PRKCH: variants seen among roughly 807,000 people sequenced by gnomAD.
The protein encoded by PRKCH is protein kinase C eta type.
Under a neutral mutation model 82.5 loss-of-function variants are expected in PRKCH, and 28 were observed. The ratio of observed to expected loss-of-function variants is 0.34; its 90% CI spans 0.25 to 0.47. PRKCH has a LOEUF of 0.47. Among genes scored for constraint, PRKCH ranks in the 20% least tolerant of loss-of-function variants. PRKCH has a pLI of 1.00. For synonymous variants in PRKCH, 322 were observed against 327.4 expected, an observed-to-expected ratio of 0.98 and a Z score of 0.18; for missense variants, 705 against 881.8, an observed-to-expected ratio of 0.80 and a Z score of 2.54.
At chr14:61,200,805 G>A (rs34780649) in intron 1 of PRKCH, among the ~76,000 whole-genome samples, 36,909 of 151,848 alleles carry the variant, frequency 0.24, 4,963 homozygotes, top group Admixed American at 0.37. Flanking sequence ...ATCTCTTACT[G>A]TGACTAATTT....
intron 1 of PRKCH, among the ~76,000 whole-genome samples, chr14:61,372,742 C>T (rs186538906): frequency 6.6e-6 from 1 of 152,184 alleles, no homozygotes; most frequent in Admixed American, 6.5e-5. Flanking sequence ...ATTCTCATGT[C>T]ATAGTCTGCA....
In PRKCH at chr14:61,425,403, A is replaced by G. The variant is rs370682428; in HGVS notation, c.428-17708A>G. Among the ~76,000 whole-genome samples the G allele has an allele frequency of 2.2e-4, 34 of 152,334 alleles. No individual in the cohort carries two copies. In the South Asian group the frequency reaches 7.0e-3, roughly 32 times the overall value. ...TGTATCCACATGACCTAGATGTGAG[A>G]CATGGAGTCAAAGGAGATCATTTTG... On this transcript the variant is annotated intron_variant, in intron 2 of 13. Transcript: ENST00000332981.
At chr14:61,408,573 T>A (rs1015493686) in intron 2 of PRKCH, among the ~76,000 whole-genome samples, 2 of 152,126 alleles carry the variant, frequency 1.3e-5, no homozygotes, top group African/African-American at 4.8e-5. Context: ...ATGGTTGCCT[T>A]ATGTGTAAAA....
intron 3 of PRKCH, 26 bp downstream of exon 3, chr14:61,443,287 T>C (rs1253797085): frequency 6.3e-7 from 1 of 1,599,810 alleles, no homozygotes; most frequent in Non-Finnish European, 8.5e-7. Context: ...ACTTCTGTCC[T>C]CCTCAGAGCT....
At chr14:61,426,863 A>G (rs1883133899) in intron 2 of PRKCH, among the ~76,000 whole-genome samples, 2 of 152,246 alleles carry the variant, frequency 1.3e-5, no homozygotes, top group Admixed American at 6.5e-5. Flanking sequence ...TGCTTCAGGA[A>G]TGCAATTTAC....
At chr14:61,232,032 C>A (rs952075913) in intron 1 of PRKCH, among the ~76,000 whole-genome samples, 6 of 152,186 alleles carry the variant, frequency 3.9e-5, no homozygotes, top group African/African-American at 7.2e-5. Context: ...AGGGTTCAGT[C>A]CTCAAGACAG....
intron 2 of PRKCH, among the ~76,000 whole-genome samples, chr14:61,422,283 C>G (rs1882877138): frequency 6.6e-6 from 1 of 152,088 alleles, no homozygotes; most frequent in African/African-American, 2.4e-5. Context: ...CAGGGTCTCT[C>G]TATGTTGCCC....
At chr14:61,483,445 T>C (rs1291688399) in intron 9 of PRKCH, among the ~76,000 whole-genome samples, 1 of 152,204 alleles carries the variant, frequency 6.6e-6, no homozygotes. Flanking sequence ...GAAGAGTTGT[T>C]TTGGTGGTGG....
chr14:61,424,607 A>G (rs370682190), intron 2 of PRKCH, among the ~76,000 whole-genome samples: 77 of 152,362 alleles, frequency 5.1e-4, no homozygotes, highest in African/African-American at 1.8e-3. Context: ...GAAGCAGAGT[A>G]TAGAAGTTTG....
chr14:61,293,027 A>T (rs988187360), intron 1 of PRKCH, among the ~76,000 whole-genome samples: 2 of 152,208 alleles, frequency 1.3e-5, no homozygotes, highest in Non-Finnish European at 2.9e-5. Context: ...GTGTATATGC[A>T]CCAGAAGCCC....
intron 12 of PRKCH, among the ~76,000 whole-genome samples, 153 bp from the exon 13 acceptor site, chr14:61,547,590 G>A (rs2043274728): frequency 6.6e-6 from 1 of 152,210 alleles, no homozygotes; most frequent in African/African-American, 2.4e-5. Flanking sequence ...GATTCATACT[G>A]ACTGTGCTGC....
intron 1 of PRKCH, among the ~76,000 whole-genome samples, chr14:61,384,504 T>A (rs1280349861): frequency 6.6e-6 from 1 of 151,912 alleles, no homozygotes; most frequent in Non-Finnish European, 1.5e-5. Context: ...GCCTTCCTGA[T>A]GTCGCAGATT....
At chr14:61,250,433 G>A (rs917098595) in intron 1 of PRKCH, among the ~76,000 whole-genome samples, 1 of 152,042 alleles carries the variant, frequency 6.6e-6, no homozygotes, top group Non-Finnish European at 1.5e-5. Flanking sequence ...ATTAAGCCAT[G>A]AAAAGACATA....
intron 10 of PRKCH, among the ~76,000 whole-genome samples, chr14:61,521,045 T>C (rs983078750): frequency 3.3e-5 from 5 of 152,318 alleles, no homozygotes; most frequent in African/African-American, 1.2e-4. Context: ...GCAACCATTA[T>C]AGAGAATGAG....
At chr14:61,203,886 C>T (rs992876474) in intron 1 of PRKCH, among the ~76,000 whole-genome samples, 2 of 152,046 alleles carry the variant, frequency 1.3e-5, no homozygotes, top group African/African-American at 4.8e-5. Context: ...ATCTAGTGCA[C>T]ACATGTGGTG....
At chr14:61,308,945 T>C (rs1001706432) in intron 1 of PRKCH, among the ~76,000 whole-genome samples, 1 of 151,842 alleles carries the variant, frequency 6.6e-6, no homozygotes, top group African/African-American at 2.4e-5. Flanking sequence ...ATATTTAGAA[T>C]CTCAGTTTAA....
chr14:61,471,533 T>C (rs1885504077), intron 9 of PRKCH, among the ~76,000 whole-genome samples: 1 of 151,788 alleles, frequency 6.6e-6, no homozygotes, highest in South Asian at 2.1e-4. Context: ...ATGATCTTTA[T>C]CACCAGTTGT....
chr14:61,359,808 T>G (rs771418215), intron 1 of PRKCH, among the ~76,000 whole-genome samples: 1 of 152,224 alleles, frequency 6.6e-6, no homozygotes, highest in Non-Finnish European at 1.5e-5. Context: ...TGGAAAAAAT[T>G]AAGTTCATCA....
chr14:61,251,566 G>A (rs1179693242), intron 1 of PRKCH, among the ~76,000 whole-genome samples: 1 of 152,114 alleles, frequency 6.6e-6, no homozygotes, highest in Non-Finnish European at 1.5e-5. Flanking sequence ...GTATTCCATT[G>A]CATATATATG....
Sources: gnomAD v4.1 joint callset for allele counts (sites outside exome capture counted in the v4.1 genomes callset) on GRCh38, gnomAD v4.1.1 for gene constraint, MANE v1.5 for transcripts, NCBI Gene and HGNC (gene_info 2026-07-23, HGNC 2026-07-21) for gene names.